Variants in PRKCE observed in about 807,000 individuals in gnomAD.
The protein encoded by PRKCE is protein kinase C epsilon type.
A neutral mutation model predicts 85.4 loss-of-function variants in PRKCE; 16 were observed. The observed-to-expected ratio is 0.19, with a 90% CI of 0.13 to 0.28. The LOEUF (loss-of-function observed/expected upper bound fraction) is 0.28, where lower values mean the gene tolerates loss of function less well. PRKCE is among the 10% of genes least tolerant of loss of function. The pLI is 1.00. For missense variants in PRKCE, 573 were observed against 975.2 expected, an observed-to-expected ratio of 0.59 and a Z score of 5.49; for synonymous variants, 388 against 371.5, an observed-to-expected ratio of 1.04 and a Z score of -0.51.
chr2:46,150,721 AG>A (rs1174260355), intron 12 of PRKCE, among the ~76,000 whole-genome samples: 1 of 152,116 alleles, frequency 6.6e-6, no homozygotes, highest in Non-Finnish European at 1.5e-5. Context: ...CCCTGATTTT[AG>A]TGTCAAAATA....
chr2:46,184,867 G>T lies in PRKCE; in HGVS notation c.2200G>T (p.Asp734Tyr). 4.4e-6 allele frequency: 7 copies of T among 1,599,800 alleles called. No homozygotes were observed. The highest frequency in any genetic ancestry group is 5.9e-6 in the Non-Finnish European group (7 of 1,179,960). The change falls in exon 15 of 15, where the codon GAC becomes TAC. Residue 734 changes from aspartate to tyrosine, a missense_variant. Coordinates refer to ENST00000306156, the MANE Select transcript of PRKCE (RefSeq NM_005400.3). The surrounding 1 kb of genome is among the most constrained non-coding windows in gnomAD (Gnocchi z 5.0). Reference protein sequence around the residue: ...EFKGFSYFGEDLMP With the variant: ...EFKGFSYFGEYLMP ...CAAAGGTTTCTCCTACTTTGGTGAA[G>T]ACCTGATGCCCTGAGAGCCCACTGC...
chr2:45,857,137 AT>A (rs1692744409), intron 2 of PRKCE, among the ~76,000 whole-genome samples: 1 of 152,208 alleles, frequency 6.6e-6, no homozygotes, highest in Non-Finnish European at 1.5e-5. Flanking sequence ...ACTGCTTTCC[AT>A]AGTGGCTGTA....
At chr2:45,849,895 T>C (rs969710279) in intron 2 of PRKCE, among the ~76,000 whole-genome samples, 1 of 152,180 alleles carries the variant, frequency 6.6e-6, no homozygotes, top group Non-Finnish European at 1.5e-5. Context: ...TAAATTCTTG[T>C]TCCCAGAAGT....
At chr2:45,993,011 C>T (rs1045218754) in intron 6 of PRKCE, among the ~76,000 whole-genome samples, 1 of 152,202 alleles carries the variant, frequency 6.6e-6, no homozygotes, top group South Asian at 2.1e-4. Context: ...CCCGGTACAA[C>T]TTTATCCAAA....
chr2:46,145,241 G>A lies in PRKCE; in HGVS notation c.1731+10G>A, dbSNP rs1675948367. ...CTACATAGCTCCTGAGGTAAGACCTGTGTGCAAAGGTTCACCTCCTCCTGG... is the reference window on the plus strand; with the variant it reads ...CTACATAGCTCCTGAGGTAAGACCTATGTGCAAAGGTTCACCTCCTCCTGG... On this transcript the variant is annotated intron_variant, in intron 12 of 14. Transcript: ENST00000306156. This position sits in a 1 kb window ranked among gnomAD's most constrained non-coding sequence, Gnocchi z 4.6. 6.3e-7 allele frequency: 1 copy of A among 1,599,544 alleles called. No homozygotes were observed. The highest frequency in any genetic ancestry group is 1.1e-5 in the South Asian group (1 of 91,066).
chr2:45,937,683 C>G (rs1418325030), intron 2 of PRKCE, among the ~76,000 whole-genome samples: 1 of 152,066 alleles, frequency 6.6e-6, no homozygotes, highest in Non-Finnish European at 1.5e-5. Flanking sequence ...CCACTGCACT[C>G]CAGCCTGGGT....
intron 2 of PRKCE, among the ~76,000 whole-genome samples, chr2:45,944,296 C>T (rs1465986951): frequency 6.6e-6 from 1 of 152,150 alleles, no homozygotes; most frequent in Non-Finnish European, 1.5e-5. Flanking sequence ...TAGGAAAAGC[C>T]TCAGCGTCTC....
intron 11 of PRKCE, among the ~76,000 whole-genome samples, chr2:46,111,369 TA>T (rs1558466477): frequency 6.6e-6 from 1 of 152,210 alleles, no homozygotes; most frequent in East Asian, 1.9e-4. Context: ...TTCATGCATT[TA>T]GAGTATACAA....
At chr2:46,002,950 G>C (rs140614728) in intron 7 of PRKCE, among the ~76,000 whole-genome samples, 5 of 152,132 alleles carry the variant, frequency 3.3e-5, no homozygotes, top group Non-Finnish European at 7.4e-5. Flanking sequence ...CTGTCTTTGC[G>C]CTATATTTAC....
At chr2:45,756,907 G>A (rs1246772918) in intron 1 of PRKCE, among the ~76,000 whole-genome samples, 1 of 152,118 alleles carries the variant, frequency 6.6e-6, no homozygotes, top group Non-Finnish European at 1.5e-5. Context: ...TTATGTGATG[G>A]TTTCACAGGG....
rs554284221 is a variant in PRKCE at position 45,829,436 on chromosome 2, C to A, written c.349-13564C>A. On this transcript the variant is annotated intron_variant, in intron 1 of 14. Coordinates refer to ENST00000306156, the MANE Select transcript of PRKCE (RefSeq NM_005400.3). Reference sequence around the variant, plus strand: ...TGGGTTTGGTTTTGCCTGCTTAAGACCCCATATAAATTACAGAAAAGGAGA... The same window carrying A: ...TGGGTTTGGTTTTGCCTGCTTAAGAACCCATATAAATTACAGAAAAGGAGA... 2.1e-4 allele frequency among the ~76,000 whole-genome samples: 32 copies of A among 152,128 alleles called. No individual in the cohort carries two copies. In the South Asian group the frequency reaches 6.6e-3, roughly 32 times the overall value.
intron 1 of PRKCE, among the ~76,000 whole-genome samples, chr2:45,760,012 C>T (rs1341920010): frequency 1.3e-5 from 2 of 152,090 alleles, no homozygotes; most frequent in East Asian, 1.9e-4. Context: ...TACCTATGCA[C>T]GCAAAAGCAG....
intron 14 of PRKCE, chr2:46,166,721 T>C (rs1197565419): frequency 6.6e-6 from 1 of 152,246 alleles, no homozygotes; most frequent in Non-Finnish European, 1.5e-5. Context: ...CTGGGTACTG[T>C]GGTTCATACC....
In PRKCE at chr2:45,995,551, A is replaced by C. The variant is rs114511676; in HGVS notation, c.824-5853A>C. Among the ~76,000 whole-genome samples, 1,029 of 152,210 alleles carry C rather than the reference A, an allele frequency of 6.8e-3. 9 individuals carry two copies. The highest frequency in any genetic ancestry group is 0.024 in the African/African-American group (988 of 41,536). ...TGAAGATCGTAAGGTTTGTGTCTAG[A>C]TTCACTGTTTTGCATGTCTAGTTTT... is the stretch of plus-strand genomic sequence containing the variant. On this transcript the variant is annotated intron_variant, in intron 6 of 14. Coordinates refer to ENST00000306156, the MANE Select transcript of PRKCE (RefSeq NM_005400.3).
intron 2 of PRKCE, among the ~76,000 whole-genome samples, chr2:45,877,506 C>T (rs1054999799): frequency 2.6e-5 from 4 of 152,042 alleles, no homozygotes; most frequent in Non-Finnish European, 1.5e-5. Flanking sequence ...GATTAAGTCT[C>T]TTTCTGTACC....
rs146683604 is a variant in PRKCE, at chr2:45,853,713, A to G, written c.412+10650A>G. Reference sequence around the variant, plus strand: ...AAAACTGTCACTTCTAAAGGAAACTACTGAGATAAACAAGGTGTTTGGCCT... The same window carrying G: ...AAAACTGTCACTTCTAAAGGAAACTGCTGAGATAAACAAGGTGTTTGGCCT... On this transcript the variant is annotated intron_variant, in intron 2 of 14. Transcript: ENST00000306156. Among the ~76,000 whole-genome samples the G allele has an allele frequency of 1.1e-3, 170 of 152,340 alleles. 5 individuals are homozygous for G. The highest frequency in any genetic ancestry group is 0.011 in the Admixed American group (162 of 15,306).
intron 1 of PRKCE, among the ~76,000 whole-genome samples, chr2:45,720,808 C>T (rs903711166): frequency 2.0e-5 from 3 of 152,118 alleles, no homozygotes; most frequent in African/African-American, 7.2e-5. Context: ...ACTTTTAGTT[C>T]TCAGAAAAAT....
chr2:45,844,464 A>T (rs11895514), intron 2 of PRKCE, among the ~76,000 whole-genome samples: 112,917 of 152,146 alleles, frequency 0.74, 42,011 homozygotes, highest in Admixed American at 0.81. Flanking sequence ...ACAAAAGGGC[A>T]TAAAGACAAA....
At chr2:46,035,905 G>C (rs1707827849) in intron 10 of PRKCE, among the ~76,000 whole-genome samples, 1 of 152,200 alleles carries the variant, frequency 6.6e-6, no homozygotes, top group African/African-American at 2.4e-5. Context: ...TTCAAGTAGT[G>C]GCAGAAAGGC....
Sources: gnomAD v4.1 joint callset for allele counts (sites outside exome capture counted in the v4.1 genomes callset) on GRCh38, gnomAD v4.1.1 for gene constraint, Gnocchi (gnomAD v3.1) non-coding constraint, MANE v1.5 for transcripts, NCBI Gene and HGNC (gene_info 2026-07-23, HGNC 2026-07-21) for gene names.